Variants in ALG14 observed in about 807,000 individuals in gnomAD.
The protein encoded by ALG14 is UDP-N-acetylglucosamine transferase subunit ALG14.
ALG14 carries 17 observed loss-of-function variants against 22.8 expected under a neutral mutation model. That is an observed-to-expected ratio of 0.75 (90% CI 0.51 to 1.12). ALG14 has a LOEUF of 1.12. ALG14 is among the 50% of genes most tolerant of loss of function. The probability of loss-of-function intolerance (pLI) is 0.00; values close to 1 mark genes in which losing one functional copy is unlikely to be tolerated. For synonymous variants in ALG14, 89 were observed against 103.7 expected (o/e 0.86, Z 0.86); for missense variants, 288 against 271.8 (o/e 1.06, Z -0.42).
At chr1:95,031,997 CA>C (rs1674024351) in intron 2 of ALG14, among the ~76,000 whole-genome samples, 1 of 151,982 alleles carries the variant, frequency 6.6e-6, no homozygotes. Context: ...TTAGTAGAGA[CA>C]GGGTTTCACC....
chr1:94,975,674 A>AGCC lies in ALG14; in HGVS notation c.*7399_*7401dup, dbSNP rs1414388611. Reference sequence around the variant, plus strand: ...TATTTTCTGGGTTTTCTTGGACTATAGCCACCCTAGGGGGTTGCTGCCCTT... The same window carrying AGCC: ...TATTTTCTGGGTTTTCTTGGACTATAGCCGCCACCCTAGGGGGTTGCTGCCCTT... On this transcript the variant is annotated 3_prime_UTR_variant, in exon 4 of 4. Transcript: ENST00000370205. The AGCC allele has an allele frequency of 1.3e-5, 2 of 152,064 alleles. No individual in the cohort carries two copies. Among genetic ancestry groups the AGCC allele is most frequent in the Non-Finnish European group, 2.9e-5 (2 of 67,998 alleles). 9.4% of individuals were successfully genotyped at this position (152,064 alleles called of 1,614,324 possible).
At chr1:94,992,256 G>A (rs1356053319) in intron 3 of ALG14, among the ~76,000 whole-genome samples, 5 of 152,020 alleles carry the variant, frequency 3.3e-5, no homozygotes, top group African/African-American at 4.8e-5. Flanking sequence ...TTGTTTACCC[G>A]TGCTACATTA....
chr1:94,987,613 C>T lies in ALG14; in HGVS notation c.421-4307G>A, dbSNP rs139658086. Among the ~76,000 whole-genome samples the T allele has an allele frequency of 2.1e-3, 319 of 152,264 alleles. 2 individuals are homozygous for T. The highest frequency in any genetic ancestry group is 3.7e-3 in the Non-Finnish European group (254 of 68,020). On this transcript the variant is annotated intron_variant, in intron 3 of 3. Coordinates refer to ENST00000370205, the MANE Select transcript of ALG14 (RefSeq NM_144988.4). ...ATTTGGGTCACCACAGGTCAAGTCC[C>T]ATTGGCTGAAACATAACATTCTGCA...
At chr1:95,049,059 G>C (rs2100811269) in intron 2 of ALG14, among the ~76,000 whole-genome samples, 1 of 152,154 alleles carries the variant, frequency 6.6e-6, no homozygotes, top group Admixed American at 6.5e-5. Flanking sequence ...TGAAGAATTT[G>C]TGCAAGAAAT....
At chr1:95,019,412 C>T (rs1005283781) in intron 3 of ALG14, among the ~76,000 whole-genome samples, 1 of 152,118 alleles carries the variant, frequency 6.6e-6, no homozygotes, top group African/African-American at 2.4e-5. Context: ...ACATTCCTCA[C>T]CCAATAATGC....
intron 2 of ALG14, among the ~76,000 whole-genome samples, chr1:95,053,253 T>C (rs1674813100): frequency 6.6e-6 from 1 of 152,170 alleles, no homozygotes; most frequent in Non-Finnish European, 1.5e-5. Flanking sequence ...TATTTCTATG[T>C]TAATGTTAGA....
chr1:95,054,031 C>T (rs568645599), intron 2 of ALG14, among the ~76,000 whole-genome samples: 17 of 152,266 alleles, frequency 1.1e-4, no homozygotes, highest in South Asian at 4.1e-4. Flanking sequence ...CCAACCTTGC[C>T]TCAAACAACA....
At chr1:95,001,445 C>T (rs1043496040) in intron 3 of ALG14, among the ~76,000 whole-genome samples, 5 of 152,160 alleles carry the variant, frequency 3.3e-5, no homozygotes, top group African/African-American at 1.2e-4. Flanking sequence ...CATCTTCCAA[C>T]ATGGCTTTTA....
chr1:95,005,668 A>T (rs1211747622), intron 3 of ALG14, among the ~76,000 whole-genome samples: 3 of 152,222 alleles, frequency 2.0e-5, no homozygotes, highest in Non-Finnish European at 4.4e-5. Context: ...TCAAGTAAAA[A>T]GAAAATTAAA....
intron 3 of ALG14, among the ~76,000 whole-genome samples, chr1:95,003,819 TTTAAGA>T (rs1258233693): frequency 6.6e-6 from 1 of 152,100 alleles, no homozygotes; most frequent in Non-Finnish European, 1.5e-5. Context: ...TTTGTTTTCT[TTTAAGA>T]TTATTTTCCA....
Position 94,982,812 on chromosome 1 carries a change from C to A in ALG14, c.*264G>T. On this transcript the variant is annotated 3_prime_UTR_variant, in exon 4 of 4. Transcript: ENST00000370205. Reference sequence around the variant, plus strand: ...ACTAAAACAGCCAGAAGAAAATTTGCAGGTAGTAATACATATTTTTATCTA... The same window carrying A: ...ACTAAAACAGCCAGAAGAAAATTTGAAGGTAGTAATACATATTTTTATCTA... The A allele has an allele frequency of 7.2e-6, 2 of 278,942 alleles. No homozygotes were observed. Among genetic ancestry groups the A allele is most frequent in the Non-Finnish European group, 1.3e-5 (2 of 149,150 alleles). 17.3% of individuals were successfully genotyped at this position (278,942 alleles called of 1,614,324 possible).
chr1:95,026,464 G>GTGTA (rs1483161828), intron 3 of ALG14, among the ~76,000 whole-genome samples: 1 of 86,260 alleles, frequency 1.2e-5, no homozygotes, highest in Non-Finnish European at 2.3e-5. Flanking sequence ...CCCAAGGAAT[G>GTGTA]TGTGTGTGTG....
intron 3 of ALG14, among the ~76,000 whole-genome samples, chr1:95,020,172 A>C (rs958861035): frequency 9.2e-5 from 14 of 152,064 alleles, no homozygotes; most frequent in African/African-American, 3.4e-4. Context: ...AGCCGAGATC[A>C]TATCACTGCA....
intron 3 of ALG14, among the ~76,000 whole-genome samples, chr1:95,016,795 C>A (rs1673505442): frequency 1.3e-5 from 2 of 152,194 alleles, no homozygotes; most frequent in African/African-American, 4.8e-5. Context: ...GAAGGCTGCA[C>A]ACAAATACAA....
intron 3 of ALG14, among the ~76,000 whole-genome samples, chr1:95,026,723 G>A (rs1673832040): frequency 1.3e-5 from 2 of 152,104 alleles, no homozygotes; most frequent in South Asian, 4.2e-4. Flanking sequence ...GAGGTCAGGA[G>A]TTCAAGACCA....
chr1:95,009,032 A>G (rs1025773543), intron 3 of ALG14, among the ~76,000 whole-genome samples: 1 of 152,032 alleles, frequency 6.6e-6, no homozygotes, highest in African/African-American at 2.4e-5. Flanking sequence ...TTGTGTATAT[A>G]TACTACATTT....
chr1:95,070,971 G>A (rs1219391707), intron 1 of ALG14, among the ~76,000 whole-genome samples: 1 of 152,066 alleles, frequency 6.6e-6, no homozygotes. Flanking sequence ...CAACTCCTAA[G>A]CTCAAGCAAT....
At chr1:95,044,074 T>TA (rs1168256398) in intron 2 of ALG14, among the ~76,000 whole-genome samples, 3 of 152,220 alleles carry the variant, frequency 2.0e-5, no homozygotes, top group Non-Finnish European at 4.4e-5. Context: ...ATCCCATTCT[T>TA]ACAATTGCTC....
chr1:95,004,730 T>G (rs1187548578), intron 3 of ALG14, among the ~76,000 whole-genome samples: 2 of 151,890 alleles, frequency 1.3e-5, no homozygotes, highest in East Asian at 3.9e-4. Flanking sequence ...CTCCATCTCC[T>G]GACCTCGTGA....
Sources: gnomAD v4.1 joint callset for allele counts (sites outside exome capture counted in the v4.1 genomes callset) on GRCh38, gnomAD v4.1.1 for gene constraint, MANE v1.5 for transcripts, NCBI Gene and HGNC (gene_info 2026-07-23, HGNC 2026-07-21) for gene names.